Variants in HPSE2 observed in about 807,000 individuals in gnomAD.
HPSE2 encodes heparanase 2 (inactive).
Under a neutral mutation model 60.5 loss-of-function variants are expected in HPSE2, and 38 were observed. That is an observed-to-expected ratio of 0.63 (90% CI 0.48 to 0.82). HPSE2 has a LOEUF of 0.82. HPSE2 is among the 40% of genes least tolerant of loss of function. HPSE2 has a pLI of 0.00. For missense variants in HPSE2, 713 were observed against 740.4 expected (o/e 0.96, Z 0.43); for synonymous variants, 295 against 293.2 (o/e 1.01, Z -0.06).
chr10:99,121,111 G>A (rs1844935846), intron 3 of HPSE2, among the ~76,000 whole-genome samples: 1 of 152,162 alleles, frequency 6.6e-6, no homozygotes, highest in East Asian at 1.9e-4. Flanking sequence ...ATACTATGCA[G>A]TCATAAAAAG....
chr10:99,100,747 G>A (rs1843934352), intron 3 of HPSE2, among the ~76,000 whole-genome samples: 1 of 152,160 alleles, frequency 6.6e-6, no homozygotes, highest in African/African-American at 2.4e-5. Flanking sequence ...AGAGAGAAAG[G>A]TCGGGTTACC....
intron 9 of HPSE2, among the ~76,000 whole-genome samples, chr10:98,595,041 C>G (rs1203542687): frequency 6.6e-6 from 1 of 151,578 alleles, no homozygotes; most frequent in East Asian, 1.9e-4. Context: ...CACAAGAGAT[C>G]TTTCCATTTA....
At chr10:98,990,138 A>T (rs1278332659) in intron 3 of HPSE2, among the ~76,000 whole-genome samples, 1 of 152,224 alleles carries the variant, frequency 6.6e-6, no homozygotes, top group Non-Finnish European at 1.5e-5. Flanking sequence ...CAAGTACATC[A>T]ACTCACCTGC....
the HPSE2 span, among the ~76,000 whole-genome samples, chr10:99,296,192 G>C: frequency 5.3e-5 from 8 of 152,110 alleles, no homozygotes; most frequent in African/African-American, 1.7e-4. Context: ...TTCCATGTAG[G>C]ATGCAGTAGT....
intron 2 of HPSE2, among the ~76,000 whole-genome samples, chr10:99,183,073 A>G (rs1847839523): frequency 6.6e-6 from 1 of 152,166 alleles, no homozygotes; most frequent in Non-Finnish European, 1.5e-5. Flanking sequence ...AAAACAAATA[A>G]GGTGAGCCCT....
At chr10:98,797,731 C>G (rs1950810200) in intron 3 of HPSE2, among the ~76,000 whole-genome samples, 1 of 152,008 alleles carries the variant, frequency 6.6e-6, no homozygotes, top group South Asian at 2.1e-4. Flanking sequence ...GTAGTCCCAG[C>G]TACTCGGGAG....
intron 3 of HPSE2, among the ~76,000 whole-genome samples, chr10:98,750,843 T>C (rs981276488): frequency 2.6e-5 from 4 of 152,126 alleles, no homozygotes; most frequent in Non-Finnish European, 4.4e-5. Flanking sequence ...GGGCAGAATA[T>C]GCAAATCCAG....
At chr10:98,800,695 C>T (rs1950886190) in intron 3 of HPSE2, among the ~76,000 whole-genome samples, 15 of 151,672 alleles carry the variant, frequency 9.9e-5, no homozygotes, top group Admixed American at 9.9e-4. Flanking sequence ...AAAATCTGAA[C>T]AGAAAAATAA....
intron 3 of HPSE2, among the ~76,000 whole-genome samples, chr10:98,757,524 T>C (rs982990974): frequency 6.6e-6 from 1 of 152,020 alleles, no homozygotes; most frequent in African/African-American, 2.4e-5. Context: ...CAGTAGGATT[T>C]CTATACACCA....
chr10:98,802,773 A>G (rs1210881385), intron 3 of HPSE2, among the ~76,000 whole-genome samples: 2 of 143,076 alleles, frequency 1.4e-5, no homozygotes, highest in Non-Finnish European at 3.0e-5. Context: ...TAGTGCCACA[A>G]TAAACATACG....
chr10:98,962,854 C>G (rs1955714706), intron 3 of HPSE2, among the ~76,000 whole-genome samples: 1 of 151,696 alleles, frequency 6.6e-6, no homozygotes, highest in Admixed American at 6.6e-5. Context: ...GAATAAAATA[C>G]CTAGGAATCC....
intron 3 of HPSE2, among the ~76,000 whole-genome samples, chr10:98,909,242 G>A (rs1406896100): frequency 6.6e-6 from 1 of 152,062 alleles, no homozygotes; most frequent in East Asian, 1.9e-4. Flanking sequence ...TAACTGATAA[G>A]GTAATTTCTG....
chr10:99,103,068 G>T (rs189421624), intron 3 of HPSE2, among the ~76,000 whole-genome samples: 1 of 152,122 alleles, frequency 6.6e-6, no homozygotes, highest in African/African-American at 2.4e-5. Context: ...TTTGAAAACC[G>T]GCATAAGACA....
rs1390274790 is a variant in HPSE2 at position 99,223,160 on chromosome 10, G to T, written c.448+9188C>A. ...TCTCTGTGGCACAACTCATTAGCTG[G>T]GTAGTCTTGGGCAAATTACTTAACC... On this transcript the variant is annotated intron_variant, in intron 2 of 11. Coordinates refer to ENST00000370552, the MANE Select transcript of HPSE2 (RefSeq NM_021828.5). 2.6e-5 allele frequency among the ~76,000 whole-genome samples: 4 copies of T among 152,184 alleles called. No homozygotes were observed. The South Asian group carries it at 6.2e-4, about 24-fold the overall frequency.
intron 11 of HPSE2, among the ~76,000 whole-genome samples, chr10:98,475,283 A>C (rs1940960243): frequency 1.3e-5 from 2 of 151,908 alleles, no homozygotes; most frequent in Admixed American, 1.3e-4. Context: ...ATGCCCGGCT[A>C]ATTTTTTTTT....
intron 5 of HPSE2, among the ~76,000 whole-genome samples, chr10:98,714,254 A>G (rs2134228738): frequency 6.6e-6 from 1 of 152,094 alleles, no homozygotes; most frequent in Admixed American, 6.6e-5. Flanking sequence ...AGAAGTGTTC[A>G]ATTCAGTAGT....
At chr10:99,017,218 T>C (rs190630065) in intron 3 of HPSE2, among the ~76,000 whole-genome samples, 55 of 152,236 alleles carry the variant, frequency 3.6e-4, no homozygotes, top group African/African-American at 1.3e-3. Context: ...ACCTAGTTTA[T>C]TGAGTTTTTA....
intron 2 of HPSE2, among the ~76,000 whole-genome samples, chr10:99,208,269 A>C (rs1453623096): frequency 6.6e-6 from 1 of 152,134 alleles, no homozygotes; most frequent in African/African-American, 2.4e-5. Flanking sequence ...ATCAGAAATG[A>C]AGACAAGACA....
At chr10:99,263,854 C>T in the HPSE2 span, among the ~76,000 whole-genome samples, 4 of 152,234 alleles carry the variant, frequency 2.6e-5, no homozygotes, top group African/African-American at 7.2e-5. Flanking sequence ...TCCTTTCCAT[C>T]GTGAAAATCC....
Sources: gnomAD v4.1 joint callset for allele counts (sites outside exome capture counted in the v4.1 genomes callset) on GRCh38, gnomAD v4.1.1 for gene constraint, MANE v1.5 for transcripts, NCBI Gene and HGNC (gene_info 2026-07-23, HGNC 2026-07-21) for gene names.